The following RNF213 variants were observed in gnomAD, a reference collection of about 807,000 sequenced individuals.
RNF213 encodes the protein E3 ubiquitin-protein ligase RNF213.
A neutral mutation model predicts 514.4 loss-of-function variants in RNF213; 341 were observed. The observed-to-expected ratio is 0.66, with a 90% CI of 0.61 to 0.73. The LOEUF is 0.73. Ranked by LOEUF, RNF213 falls within the 30% of genes least tolerant of loss-of-function variation. The pLI is 0.00. For synonymous variants in RNF213, 2,655 were observed against 2,658.2 expected (o/e 1.00, Z 0.04); for missense variants, 5,767 against 6,615.6 (o/e 0.87, Z 4.45).
chr17:80,389,448 G>GGAGCGCCTA, intron 65 of RNF213, 81 bp downstream of exon 65: 1 of 1,283,714 alleles, frequency 7.8e-7, no homozygotes, highest in Non-Finnish European at 1.1e-6. Flanking sequence ...GAGCATTCAG[G>GGAGCGCCTA]GAGTGCCACT....
At chr17:80,327,245 C>T (rs1325017274) in intron 18 of RNF213, among the ~76,000 whole-genome samples, 6 of 152,186 alleles carry the variant, frequency 3.9e-5, no homozygotes, top group African/African-American at 1.4e-4. Context: ...TGCGTATAAT[C>T]CTAATGTTTT....
At chr17:80,306,206 T>C in intron 11 of RNF213, 46 bp from the exon 12 acceptor site, 1 of 1,570,710 alleles carries the variant, frequency 6.4e-7, no homozygotes, top group Non-Finnish European at 8.8e-7. Flanking sequence ...TTTCCCTCAC[T>C]GATCTCACTG....
chr17:80,374,608 TTCTC>T lies in RNF213; in HGVS notation c.13074+23_13074+26del, dbSNP rs1484280651. 2.5e-6 allele frequency: 4 copies of T among 1,613,742 alleles called. No individual in the cohort carries two copies. The highest frequency in any genetic ancestry group is 3.4e-6 in the Non-Finnish European group (4 of 1,179,794). On this transcript the variant is annotated intron_variant, in intron 50 of 67. Coordinates refer to ENST00000582970, the MANE Select transcript of RNF213 (RefSeq NM_001256071.3). ...TCTGAAGGTAGGATGGGCCCGTGGC[TTCTC>T]TCTGATACCAGGTGGCATCCCTTGG...
chr17:80,350,377 C>T lies in RNF213; in HGVS notation c.10165C>T (p.Gln3389Ter), dbSNP rs977769598. The T allele has an allele frequency of 1.9e-6, 3 of 1,606,536 alleles. No individual in the cohort carries two copies. The highest frequency in any genetic ancestry group is 1.3e-5 in the African/African-American group (1 of 74,876). Reference sequence around the variant, plus strand: ...TTTTGAAGATGGAATCCGTAGCGCCCAGCTCATTGCCTCAGCTAAGTATGT... The same window carrying T: ...TTTTGAAGATGGAATCCGTAGCGCCTAGCTCATTGCCTCAGCTAAGTATGT... ...TDFEDGIRSA[Q>*]LIASAKYSVI... Residue 3389 changes from glutamine to a stop codon, truncating the protein, a stop_gained, in exon 31 of 68, where the codon CAG (glutamine) becomes TAG (stop). Transcript: ENST00000582970. LOFTEE classifies it high-confidence loss of function.
rs1185185640 is a variant in RNF213, at chr17:80,343,030, ACTC to A, written c.5990-99_5990-97del. ...ACCACGTTGACCAGGCTGGCTTTGA[ACTC>A]CTGACCTCAAGTGATCCCCCCGCCT... On this transcript the variant is annotated intron_variant, in intron 26 of 67. Transcript: ENST00000582970. This position sits in a 1 kb window ranked among gnomAD's most constrained non-coding sequence, Gnocchi z 4.3. The A allele has an allele frequency of 3.2e-6, 3 of 940,806 alleles. No homozygotes were observed. In the African/African-American group the frequency reaches 4.9e-5, roughly 15 times the overall value. The allele number at this position is 940,806 out of a possible 1,614,324, so 58.3% of individuals were successfully genotyped here. A position where few individuals can be genotyped will look rare whatever the true frequency, so the allele number is the denominator to read the frequency against.
chr17:80,287,383 G>A (rs1433542802), intron 3 of RNF213, among the ~76,000 whole-genome samples: 1 of 152,218 alleles, frequency 6.6e-6, no homozygotes, highest in Non-Finnish European at 1.5e-5. Context: ...CTCACCTATA[G>A]TCTCAGCTAC....
At chr17:80,330,835 T>G (rs997574070) in intron 20 of RNF213, among the ~76,000 whole-genome samples, 56 of 152,210 alleles carry the variant, frequency 3.7e-4, no homozygotes, top group Admixed American at 8.5e-4. Flanking sequence ...GTCTTTTTTT[T>G]GGGACAGAGT....
In RNF213 at chr17:80,394,532, G is replaced by A. The variant is rs1176297332; in HGVS notation, c.*1034G>A. On this transcript the variant is annotated 3_prime_UTR_variant, in exon 68 of 68. Transcript: ENST00000582970. ...GTTGCCTTTTTTCTTTACAAAATCT[G>A]CTTTGATACTTAGGACCTCTCTGGA... 1 of 152,162 alleles carries A rather than the reference G, an allele frequency of 6.6e-6. No homozygotes were observed. The highest frequency in any genetic ancestry group is 2.4e-5 in the African/African-American group (1 of 41,436). The allele number at this position is 152,162 out of a possible 1,614,324, so 9.4% of individuals were successfully genotyped here.
In RNF213 at chr17:80,319,879, C is replaced by T. The variant is rs1430351596; in HGVS notation, c.3024+567C>T. 3.1e-5 allele frequency: 35 copies of T among 1,131,934 alleles called. 1 individual carries two copies. The South Asian group carries it at 7.4e-4, about 24-fold the overall frequency. The allele number at this position is 1,131,934 out of a possible 1,614,324, so 70.1% of individuals were successfully genotyped here. A position where few individuals can be genotyped will look rare whatever the true frequency, so the allele number is the denominator to read the frequency against. On this transcript the variant is annotated intron_variant, in intron 17 of 67. Coordinates refer to ENST00000582970, the MANE Select transcript of RNF213 (RefSeq NM_001256071.3). ...CACATTTCCTAATTGGACACTTAAC[C>T]CCTGTACAAGCACAGCCTTGCGGCC...
At chr17:80,369,727 A>C (rs2079440649) in intron 45 of RNF213, 41 bp from the exon 46 acceptor site, 2 of 1,613,594 alleles carry the variant, frequency 1.2e-6, no homozygotes, top group East Asian at 4.5e-5. Context: ...TCGCTTCTGC[A>C]TGTCTCATGC....
Position 80,317,397 on chromosome 17 carries a change from C to A in RNF213, c.2901+120C>A. 1 of 862,828 alleles carries A rather than the reference C, an allele frequency of 1.2e-6. No individual in the cohort carries two copies. Among genetic ancestry groups the A allele is most frequent in the Non-Finnish European group, 1.9e-6 (1 of 517,798 alleles). 53.4% of individuals were successfully genotyped at this position (862,828 alleles called of 1,614,324 possible). ...CTCTGTGGGCAGGGATGGGGTGAAT[C>A]ACAGCTCCGTGTTTCTGTTTCTGAT... On this transcript the variant is annotated intron_variant, in intron 16 of 67. Transcript: ENST00000582970. This position sits in a 1 kb window ranked among gnomAD's most constrained non-coding sequence, Gnocchi z 4.1.
chr17:80,297,150 C>A (rs191344023), intron 10 of RNF213, among the ~76,000 whole-genome samples: 1 of 151,666 alleles, frequency 6.6e-6, no homozygotes, highest in African/African-American at 2.4e-5. Context: ...TCAACCCTTA[C>A]GTTTAAAAAG....
chr17:80,304,903 C>T (rs1188460997), intron 11 of RNF213, among the ~76,000 whole-genome samples: 1 of 152,120 alleles, frequency 6.6e-6, no homozygotes, highest in African/African-American at 2.4e-5. Context: ...CCACTGTTCT[C>T]CTCTCTGTCT....
intron 6 of RNF213, among the ~76,000 whole-genome samples, chr17:80,290,304 GGT>G (rs1176531514): frequency 1.3e-5 from 2 of 151,818 alleles, no homozygotes; most frequent in African/African-American, 4.8e-5. Flanking sequence ...TGTGCATGTG[GGT>G]GTGTGCGTGT....
At chr17:80,302,415 G>A (rs1305134067) in intron 11 of RNF213, among the ~76,000 whole-genome samples, 6 of 152,022 alleles carry the variant, frequency 3.9e-5, no homozygotes. Context: ...TTTGTACATA[G>A]TATACATTGT....
At position 80,291,773 on chromosome 17, in the gene RNF213, G is replaced by A. The variant is rs2143321036; in HGVS notation, c.1417G>A (p.Gly473Ser). 6.2e-7 allele frequency: 1 copy of A among 1,614,176 alleles called. No individual in the cohort carries two copies. Among genetic ancestry groups the A allele is most frequent in the Non-Finnish European group, 8.5e-7 (1 of 1,180,044 alleles). The change falls in exon 8 of 68, where the codon GGC becomes AGC. Residue 473 changes from glycine to serine, a missense_variant. By Grantham distance (56) the Gly-to-Ser change is moderately conservative. Coordinates refer to ENST00000582970, the MANE Select transcript of RNF213 (RefSeq NM_001256071.3). Reference sequence around the variant, plus strand: ...CATTTACAAGCACCAGCAGAAGAAGGGCGAGTACGTCAACCGCTGTCTGTT... The same window carrying A: ...CATTTACAAGCACCAGCAGAAGAAGAGCGAGTACGTCAACCGCTGTCTGTT... ...EFIYKHQQKKGEYVNRCLFIK... is the reference protein window; with the variant it reads ...EFIYKHQQKKSEYVNRCLFIK...
In RNF213 at chr17:80,390,606, A is replaced by C. The variant is rs2080426839; in HGVS notation, c.15470+410A>C. ...GAGACAGAGTTTCACTGTGTTGGCCAGGCTGGTCTCGAACTCCTGGCCTGA... is the reference window on the plus strand; with the variant it reads ...GAGACAGAGTTTCACTGTGTTGGCCCGGCTGGTCTCGAACTCCTGGCCTGA... On this transcript the variant is annotated intron_variant, in intron 67 of 67. Transcript: ENST00000582970. 2.0e-5 allele frequency among the ~76,000 whole-genome samples: 3 copies of C among 151,214 alleles called. No individual in the cohort carries two copies. In the South Asian group the frequency reaches 6.5e-4, roughly 33 times the overall value.
Position 80,375,777 on chromosome 17 carries a change from A to G in RNF213, c.13092A>G (p.Gln4364=), listed in dbSNP as rs761055867. ...KTALKACKTP[Q]SQQSAYFLLT... ...TTTTGCAGGCCTGCAAGACCCCCCA[A>G]AGCCAGCAGTCAGCCTACTTCCTGT... is the stretch of plus-strand genomic sequence containing the variant. Residue 4364 remains glutamine, a synonymous_variant, in exon 51 of 68, where the codon CAA becomes CAG. Coordinates refer to ENST00000582970, the MANE Select transcript of RNF213 (RefSeq NM_001256071.3). 5.0e-6 allele frequency: 8 copies of G among 1,613,772 alleles called. No individual in the cohort carries two copies. The highest frequency in any genetic ancestry group is 5.1e-6 in the Non-Finnish European group (6 of 1,179,772).
intron 20 of RNF213, among the ~76,000 whole-genome samples, chr17:80,330,439 C>G (rs2046383826): frequency 6.6e-6 from 1 of 152,166 alleles, no homozygotes. Flanking sequence ...CTGTCTCCTG[C>G]CTGGAGGGTG....
Sources: gnomAD v4.1 joint callset for allele counts (sites outside exome capture counted in the v4.1 genomes callset) on GRCh38, gnomAD v4.1.1 for gene constraint, Gnocchi (gnomAD v3.1) non-coding constraint, MANE v1.5 for transcripts, NCBI Gene and HGNC (gene_info 2026-07-23, HGNC 2026-07-21) for gene names.